The following LHFPL3 variants were observed in gnomAD, a reference collection of about 807,000 sequenced individuals.
LHFPL3 encodes LHFPL tetraspan subfamily member 3, also known as LHFPL tetraspan subfamily member 3 protein.
In LHFPL3, 5 loss-of-function variants were observed where a neutral mutation model predicts 19.3. The ratio of observed to expected loss-of-function variants is 0.26; its 90% confidence interval spans 0.14 to 0.54. The LOEUF (loss-of-function observed/expected upper bound fraction) is 0.54. Among genes scored for constraint, LHFPL3 ranks in the 20% least tolerant of loss-of-function variants. LHFPL3 has a pLI of 0.94. For missense variants in LHFPL3, 249 were observed against 307.4 expected (o/e 0.81, Z 1.42); for synonymous variants, 133 against 126.2 (o/e 1.05, Z -0.36).
chr7:104,892,754 C>A (rs568101703), intron 2 of LHFPL3, among the ~76,000 whole-genome samples: 29 of 150,514 alleles, frequency 1.9e-4, no homozygotes, highest in South Asian at 6.3e-4. Context: ...CCATTCAGAG[C>A]TCAACTAACA....
At chr7:104,759,337 C>T (rs916953658) in intron 2 of LHFPL3, among the ~76,000 whole-genome samples, 2 of 151,966 alleles carry the variant, frequency 1.3e-5, no homozygotes, top group Non-Finnish European at 2.9e-5. Context: ...CACATATGTG[C>T]TTATACATGT....
At chr7:104,529,839 CAA>C (rs1794262667) in intron 1 of LHFPL3, among the ~76,000 whole-genome samples, 1 of 152,006 alleles carries the variant, frequency 6.6e-6, no homozygotes, top group Non-Finnish European at 1.5e-5. Flanking sequence ...AGTCCAGAGT[CAA>C]AGAGGCCAGG....
At chr7:104,404,923 A>G (rs1791387042) in intron 1 of LHFPL3, among the ~76,000 whole-genome samples, 1 of 152,224 alleles carries the variant, frequency 6.6e-6, no homozygotes. Flanking sequence ...CTACATAAAA[A>G]AGGTAAAAAT....
chr7:104,458,543 G>T (rs561374952), intron 1 of LHFPL3, among the ~76,000 whole-genome samples: 2 of 152,160 alleles, frequency 1.3e-5, no homozygotes, highest in East Asian at 1.9e-4. Context: ...TTGAAGTCAG[G>T]TAGTGTGATG....
chr7:104,525,991 G>C (rs1244267895), intron 1 of LHFPL3, among the ~76,000 whole-genome samples: 1 of 152,138 alleles, frequency 6.6e-6, no homozygotes, highest in African/African-American at 2.4e-5. Flanking sequence ...GAAGGGCACT[G>C]CTGGAAGAGC....
At chr7:104,536,399 C>G (rs1398712363) in intron 1 of LHFPL3, among the ~76,000 whole-genome samples, 2 of 152,140 alleles carry the variant, frequency 1.3e-5, no homozygotes, top group Admixed American at 1.3e-4. Context: ...GTTAGCCCAG[C>G]CCACGAGTAT....
At chr7:104,562,674 T>C (rs918875830) in intron 1 of LHFPL3, among the ~76,000 whole-genome samples, 2 of 151,924 alleles carry the variant, frequency 1.3e-5, no homozygotes, top group African/African-American at 4.9e-5. Context: ...AGCCTTCTTC[T>C]CTCAGCTCCT....
intron 1 of LHFPL3, among the ~76,000 whole-genome samples, chr7:104,340,078 T>G (rs2116364211): frequency 6.6e-6 from 1 of 152,298 alleles, no homozygotes; most frequent in African/African-American, 2.4e-5. Flanking sequence ...GGTCAATATT[T>G]GCATCTTGAC....
chr7:104,554,679 A>ATAGATAGATAGT (rs1393525234), intron 1 of LHFPL3, among the ~76,000 whole-genome samples: 2 of 149,942 alleles, frequency 1.3e-5, no homozygotes, highest in Non-Finnish European at 2.9e-5. Flanking sequence ...AGATAGATAG[A>ATAGATAGATAGT]TAGATAGATA....
chr7:104,562,990 G>A (rs1238371928), intron 1 of LHFPL3, among the ~76,000 whole-genome samples: 1 of 152,202 alleles, frequency 6.6e-6, no homozygotes. Context: ...CAGTTAGGCT[G>A]CTCGGGGGTC....
chr7:104,874,248 C>G (rs940316932), intron 2 of LHFPL3, among the ~76,000 whole-genome samples: 1 of 152,206 alleles, frequency 6.6e-6, no homozygotes, highest in African/African-American at 2.4e-5. Context: ...AGCATTTCCT[C>G]TTAGTACTAC....
intron 1 of LHFPL3, among the ~76,000 whole-genome samples, chr7:104,652,719 G>T (rs2115946131): frequency 6.6e-6 from 1 of 152,224 alleles, no homozygotes; most frequent in South Asian, 2.1e-4. Flanking sequence ...GAGCAAAGCT[G>T]CAGGAGAAGC....
intron 1 of LHFPL3, among the ~76,000 whole-genome samples, chr7:104,373,284 A>G (rs1424162863): frequency 6.6e-6 from 1 of 152,242 alleles, no homozygotes; most frequent in Non-Finnish European, 1.5e-5. Context: ...AAAGAAAATA[A>G]TAGTCTTTCT....
chr7:104,349,154 G>C (rs1790128827), intron 1 of LHFPL3, among the ~76,000 whole-genome samples: 1 of 152,124 alleles, frequency 6.6e-6, no homozygotes, highest in African/African-American at 2.4e-5. Flanking sequence ...ATTTTACTTA[G>C]AAGCTAACAA....
At chr7:104,760,638 G>C (rs373921224) in intron 2 of LHFPL3, among the ~76,000 whole-genome samples, 9 of 152,146 alleles carry the variant, frequency 5.9e-5, no homozygotes, top group African/African-American at 1.9e-4. Flanking sequence ...CCAAGTGATA[G>C]TTATTGTGCA....
intron 2 of LHFPL3, among the ~76,000 whole-genome samples, chr7:104,818,331 C>A (rs1258772220): frequency 6.6e-6 from 1 of 150,810 alleles, no homozygotes; most frequent in East Asian, 1.9e-4. Context: ...TTGTGGAATT[C>A]TTTGCCCACC....
rs1025307072 is a variant in LHFPL3, at chr7:104,472,571, C to G, written c.445+143347C>G. 1.5e-4 allele frequency among the ~76,000 whole-genome samples: 23 copies of G among 152,158 alleles called. 1 individual carries two copies. The highest frequency in any genetic ancestry group is 5.3e-4 in the African/African-American group (22 of 41,450). The stretch of plus-strand genomic sequence containing the variant: ...CATATGTATGCAGGAACGTGGGTTC[C>G]TGAGAGGGTATGTGCGTGAGTATTT... On this transcript the variant is annotated intron_variant, in intron 1 of 2. Coordinates refer to ENST00000424859, the MANE Select transcript of LHFPL3 (RefSeq NM_199000.3).
intron 1 of LHFPL3, among the ~76,000 whole-genome samples, chr7:104,632,290 A>T (rs1791658474): frequency 6.6e-6 from 1 of 152,206 alleles, no homozygotes; most frequent in Non-Finnish European, 1.5e-5. Context: ...AGAGACCCAA[A>T]TAATTAAATT....
chr7:104,709,221 T>A (rs902845499), intron 1 of LHFPL3, among the ~76,000 whole-genome samples: 5 of 150,396 alleles, frequency 3.3e-5, no homozygotes, highest in African/African-American at 9.7e-5. Context: ...TTTATTTTTT[T>A]ATTTTTTTTT....
Sources: allele counts gnomAD v4.1 joint callset (sites outside exome capture counted in the v4.1 genomes callset), GRCh38; gene constraint gnomAD v4.1.1; transcripts MANE v1.5; gene names NCBI Gene and HGNC (gene_info 2026-07-23, HGNC 2026-07-21).